Variants in CERS6 observed in about 807,000 individuals in gnomAD.
The protein encoded by CERS6 is LAG1 homolog, ceramide synthase 6.
A neutral mutation model predicts 56.8 loss-of-function variants in CERS6; 26 were observed. The observed-to-expected ratio is 0.46, with a 90% CI of 0.34 to 0.63. The LOEUF is 0.63. Ranked by LOEUF, CERS6 falls within the 30% of genes least tolerant of loss-of-function variation. The pLI, the probability that CERS6 is intolerant of heterozygous loss-of-function variation, is 0.01. For missense variants in CERS6, 415 were observed against 467.5 expected, an observed-to-expected ratio of 0.89 and a Z score of 1.04; for synonymous variants, 164 against 173.3, an observed-to-expected ratio of 0.95 and a Z score of 0.42.
chr2:168,686,468 TAAGG>T (rs1295459530), intron 4 of CERS6, among the ~76,000 whole-genome samples: 3 of 113,772 alleles, frequency 2.6e-5, no homozygotes, highest in Non-Finnish European at 5.8e-5. Context: ...AAAAAAAAAT[TAAGG>T]AAGGAAGCCT....
At chr2:168,735,287 C>G (rs1683676128) in intron 8 of CERS6, among the ~76,000 whole-genome samples, 1 of 151,174 alleles carries the variant, frequency 6.6e-6, no homozygotes, top group South Asian at 2.1e-4. Context: ...CTTCCACACC[C>G]CTGCAAAAAA....
intron 4 of CERS6, among the ~76,000 whole-genome samples, chr2:168,656,032 A>G (rs1685460300): frequency 6.6e-6 from 1 of 152,200 alleles, no homozygotes; most frequent in African/African-American, 2.4e-5. Context: ...ATGCATTTTG[A>G]CCTTCAAGAG....
intron 3 of CERS6, among the ~76,000 whole-genome samples, chr2:168,614,536 G>T (rs1368861416): frequency 6.6e-6 from 1 of 152,288 alleles, no homozygotes; most frequent in Non-Finnish European, 1.5e-5. Context: ...TGGGGTGCAT[G>T]GTGGGAGTGA....
chr2:168,703,575 A>C (rs1559059417), intron 6 of CERS6, among the ~76,000 whole-genome samples: 1 of 152,108 alleles, frequency 6.6e-6, no homozygotes, highest in Non-Finnish European at 1.5e-5. Flanking sequence ...AAACAAACAA[A>C]AAAAAAGTGA....
rs578238148 is a variant in CERS6, at chr2:168,607,370, G to C, written c.408-23615G>C. ...TTACTCTTCCCAGTAATCAAAACTA[G>C]TATATCTTTTTTTTGTTTGTTTATT... is the stretch of plus-strand genomic sequence containing the variant. On this transcript the variant is annotated intron_variant, in intron 3 of 9. Transcript: ENST00000305747. Among the ~76,000 whole-genome samples the C allele has an allele frequency of 3.9e-5, 6 of 152,140 alleles. No homozygotes were observed. In the South Asian group the frequency reaches 1.0e-3, roughly 26 times the overall value.
At chr2:168,727,387 A>G (rs544587678) in intron 8 of CERS6, among the ~76,000 whole-genome samples, 84 of 152,230 alleles carry the variant, frequency 5.5e-4, no homozygotes, top group African/African-American at 1.9e-3. Flanking sequence ...CATCTCTACT[A>G]AAAATACATA....
intron 1 of CERS6, among the ~76,000 whole-genome samples, chr2:168,525,753 C>A (rs376652510): frequency 5.3e-5 from 8 of 152,206 alleles, no homozygotes; most frequent in African/African-American, 1.7e-4. Flanking sequence ...CCTTTTCTTA[C>A]AATTATCACA....
intron 1 of CERS6, among the ~76,000 whole-genome samples, chr2:168,478,482 A>G (rs182386208): frequency 1.3e-5 from 2 of 152,272 alleles, no homozygotes; most frequent in East Asian, 1.9e-4. Flanking sequence ...ACAGTTGTCA[A>G]ACATTTCTGG....
rs550335943 is a variant in CERS6, at chr2:168,637,930, G to A, written c.465+6888G>A. Among the ~76,000 whole-genome samples, 58 of 151,748 alleles carry A rather than the reference G, an allele frequency of 3.8e-4. 2 individuals carry two copies. The highest frequency in any genetic ancestry group is 1.2e-3 in the African/African-American group (51 of 41,368). ...AACTCTGAAATGTAGGAATTGGAAT[G>A]GAAAAGACTATACATAGGATTAGGT... is the stretch of plus-strand genomic sequence containing the variant. On this transcript the variant is annotated intron_variant, in intron 4 of 9. Coordinates refer to ENST00000305747, the MANE Select transcript of CERS6 (RefSeq NM_203463.3).
intron 3 of CERS6, among the ~76,000 whole-genome samples, chr2:168,591,681 C>G (rs932430930): frequency 5.3e-5 from 8 of 152,182 alleles, no homozygotes; most frequent in African/African-American, 1.9e-4. Flanking sequence ...TAGCAAAAGA[C>G]TTTCTTTCAC....
At chr2:168,580,605 C>CT (rs760217269) in intron 3 of CERS6, among the ~76,000 whole-genome samples, 1 of 152,118 alleles carries the variant, frequency 6.6e-6, no homozygotes, top group East Asian at 1.9e-4. Flanking sequence ...ATATTTACCA[C>CT]TTTTTTTGTT....
chr2:168,736,671 A>T (rs1683726081), intron 8 of CERS6, among the ~76,000 whole-genome samples: 1 of 152,180 alleles, frequency 6.6e-6, no homozygotes, highest in African/African-American at 2.4e-5. Flanking sequence ...AAATTGAGAA[A>T]CGTCTGACTG....
At chr2:168,599,497 C>A (rs957485793) in intron 3 of CERS6, among the ~76,000 whole-genome samples, 5 of 152,148 alleles carry the variant, frequency 3.3e-5, no homozygotes, top group African/African-American at 1.2e-4. Flanking sequence ...TTAAAACGAA[C>A]ATTGTCGGAG....
intron 1 of CERS6, among the ~76,000 whole-genome samples, chr2:168,520,088 ATC>A (rs1694950383): frequency 6.6e-6 from 1 of 152,164 alleles, no homozygotes; most frequent in Non-Finnish European, 1.5e-5. Flanking sequence ...CCTCACCAAC[ATC>A]TGTTAGTTTT....
chr2:168,755,729 G>A (rs548453350), intron 8 of CERS6, among the ~76,000 whole-genome samples: 26 of 152,238 alleles, frequency 1.7e-4, no homozygotes, highest in Non-Finnish European at 3.4e-4. Flanking sequence ...TAGCCATCCT[G>A]TAAACAGGCT....
chr2:168,769,634 T>C lies in CERS6; in HGVS notation c.1127T>C (p.Leu376Pro). The C allele has an allele frequency of 6.2e-7, 1 of 1,611,280 alleles. No individual in the cohort carries two copies. The change falls in exon 10 of 10, where the codon CTG becomes CCG. Residue 376 changes from leucine to proline, a missense_variant. Coordinates refer to ENST00000305747, the MANE Select transcript of CERS6 (RefSeq NM_203463.3). ...NGTSGTNGYL[L>P]TGSCSMDD ...ACCAGTGGTACCAACGGGTATCTCCTGACTGGCTCCTGCTCCATGGATGAT... is the reference window on the plus strand; with the variant it reads ...ACCAGTGGTACCAACGGGTATCTCCCGACTGGCTCCTGCTCCATGGATGAT...
rs552614446 is a variant in CERS6 at position 168,554,695 on chromosome 2, A to G, written c.277-6497A>G. Among the ~76,000 whole-genome samples, 4 of 152,340 alleles carry G rather than the reference A, an allele frequency of 2.6e-5. No individual in the cohort carries two copies. The East Asian group carries it at 7.7e-4, about 29-fold the overall frequency. ...TTCAGGGAACTTTGTTACAGCAGCC[A>G]TAGAAAAACAATGCAGTCATGAAAA... On this transcript the variant is annotated intron_variant, in intron 2 of 9. Transcript: ENST00000305747.
intron 8 of CERS6, among the ~76,000 whole-genome samples, chr2:168,760,416 C>T (rs1204997763): frequency 6.6e-6 from 1 of 152,146 alleles, no homozygotes; most frequent in African/African-American, 2.4e-5. Context: ...AGATTGTGCC[C>T]ACCAGATTAA....
chr2:168,515,403 G>GA (rs891351581), intron 1 of CERS6, among the ~76,000 whole-genome samples: 93 of 144,778 alleles, frequency 6.4e-4, no homozygotes, highest in African/African-American at 8.6e-4. Context: ...GTCACTGTGG[G>GA]AAAAAAAAAA....
Sources: gnomAD v4.1 joint callset for allele counts (sites outside exome capture counted in the v4.1 genomes callset) on GRCh38, gnomAD v4.1.1 for gene constraint, MANE v1.5 for transcripts, NCBI Gene and HGNC (gene_info 2026-07-23, HGNC 2026-07-21) for gene names.